The following CSMD1 variants were observed in gnomAD, a reference collection of about 807,000 sequenced individuals.
The protein encoded by CSMD1 is CUB and sushi domain-containing protein 1.
In CSMD1, 213 loss-of-function variants were observed where a neutral mutation model predicts 417.5. The observed-to-expected ratio is 0.51, with a 90% CI of 0.46 to 0.57. CSMD1 has a LOEUF of 0.57. CSMD1 is among the 20% of genes least tolerant of loss of function. The pLI is 0.00. For synonymous variants in CSMD1, 2,862 were observed against 1,736.8 expected, an observed-to-expected ratio of 1.65 and a Z score of -16.11; for missense variants, 6,923 against 4,529.7, an observed-to-expected ratio of 1.53 and a Z score of -15.17.
At chr8:3,754,780 C>T (rs939824508) in intron 5 of CSMD1, among the ~76,000 whole-genome samples, 1 of 152,116 alleles carries the variant, frequency 6.6e-6, no homozygotes, top group Admixed American at 6.6e-5. Context: ...TCTATGTAAC[C>T]TGAAGTAGAC....
At chr8:4,964,325 C>T (rs1809704810) in intron 1 of CSMD1, among the ~76,000 whole-genome samples, 1 of 151,572 alleles carries the variant, frequency 6.6e-6, no homozygotes. Context: ...ACCAGCAGGG[C>T]AGCATGGCAA....
chr8:4,232,935 G>C (rs374248288), intron 3 of CSMD1, among the ~76,000 whole-genome samples: 214 of 152,272 alleles, frequency 1.4e-3, no homozygotes, highest in African/African-American at 4.8e-3. Context: ...GTTCCAAAAA[G>C]TTTTCTGCAG....
At chr8:4,640,233 G>C (rs1803108758) in intron 1 of CSMD1, among the ~76,000 whole-genome samples, 3 of 152,304 alleles carry the variant, frequency 2.0e-5, no homozygotes, top group Admixed American at 1.3e-4. Context: ...CATAGCACCG[G>C]TTAGAAATTT....
At chr8:4,510,584 C>T (rs183113045) in intron 2 of CSMD1, among the ~76,000 whole-genome samples, 1 of 149,924 alleles carries the variant, frequency 6.7e-6, no homozygotes, top group Non-Finnish European at 1.5e-5. Flanking sequence ...CCCTTCCCTC[C>T]TCGCTTCCTT....
chr8:3,228,143 T>C (rs1274787587), intron 27 of CSMD1, among the ~76,000 whole-genome samples: 1 of 152,246 alleles, frequency 6.6e-6, no homozygotes, highest in Non-Finnish European at 1.5e-5. Context: ...TGTAATTGTC[T>C]CCAGGTAAAA....
At chr8:4,885,994 T>A (rs1463365854) in intron 1 of CSMD1, among the ~76,000 whole-genome samples, 1 of 120,920 alleles carries the variant, frequency 8.3e-6, no homozygotes, top group Non-Finnish European at 1.9e-5. Context: ...TATTTACTTA[T>A]TTATTTACTT....
chr8:3,828,086 T>C (rs1672861911), intron 5 of CSMD1, among the ~76,000 whole-genome samples: 3 of 152,194 alleles, frequency 2.0e-5, no homozygotes, highest in African/African-American at 2.4e-5. Flanking sequence ...CAGAGCTTAA[T>C]TACATCCTAT....
intron 1 of CSMD1, among the ~76,000 whole-genome samples, chr8:4,744,585 C>G (rs894360554): frequency 6.6e-6 from 1 of 152,120 alleles, no homozygotes; most frequent in African/African-American, 2.4e-5. Flanking sequence ...AAAATAATAT[C>G]TTTGGTTCGT....
intron 18 of CSMD1, among the ~76,000 whole-genome samples, chr8:3,386,054 G>T (rs1333459427): frequency 6.6e-6 from 1 of 152,116 alleles, no homozygotes; most frequent in Non-Finnish European, 1.5e-5. Flanking sequence ...TTTAAGATTG[G>T]TAAGTGGCAA....
At chr8:4,131,271 G>A (rs1803085967) in intron 3 of CSMD1, among the ~76,000 whole-genome samples, 2 of 151,254 alleles carry the variant, frequency 1.3e-5, no homozygotes, top group Non-Finnish European at 1.5e-5. Flanking sequence ...ATGAACTGTA[G>A]GAACTGAAGA....
chr8:4,016,039 A>C (rs1796507685), intron 4 of CSMD1, among the ~76,000 whole-genome samples: 1 of 152,158 alleles, frequency 6.6e-6, no homozygotes, highest in African/African-American at 2.4e-5. Flanking sequence ...CATGACATCT[A>C]AGCTCTCAGA....
intron 63 of CSMD1, among the ~76,000 whole-genome samples, chr8:2,955,977 G>T (rs1332023616): frequency 6.6e-6 from 1 of 151,904 alleles, no homozygotes; most frequent in Non-Finnish European, 1.5e-5. Context: ...CTGACCTCAA[G>T]CTATTCTCCT....
intron 2 of CSMD1, among the ~76,000 whole-genome samples, chr8:4,610,857 T>C (rs1234005060): frequency 1.3e-5 from 2 of 152,214 alleles, no homozygotes; most frequent in African/African-American, 4.8e-5. Context: ...GCGAAAACCT[T>C]ATACGATTTC....
intron 23 of CSMD1, among the ~76,000 whole-genome samples, chr8:3,323,080 A>G (rs1806260324): frequency 6.6e-6 from 1 of 152,170 alleles, no homozygotes; most frequent in Admixed American, 6.6e-5. Flanking sequence ...ATGCAGTTTT[A>G]AAAACATCTG....
intron 3 of CSMD1, among the ~76,000 whole-genome samples, chr8:4,235,785 T>A (rs1284441860): frequency 6.6e-6 from 1 of 152,202 alleles, no homozygotes; most frequent in Non-Finnish European, 1.5e-5. Context: ...GTCTTTTTCT[T>A]TTTTTCTTTG....
At position 3,290,548 on chromosome 8, in the gene CSMD1, G is replaced by A. The variant is rs1307890659; in HGVS notation, c.3951-6202C>T. On this transcript the variant is annotated intron_variant, in intron 25 of 69. Transcript: ENST00000635120. ...CTTGAAGAGGTCCTTCACATCCCTT[G>A]TAAGTTGGATTGCTAGGTATTTTGT... Among the ~76,000 whole-genome samples the A allele has an allele frequency of 7.3e-4, 106 of 145,920 alleles. 17 individuals carry two copies. Among genetic ancestry groups the A allele is most frequent in the African/African-American group, 2.6e-3 (94 of 36,174 alleles).
At chr8:3,922,663 A>T (rs1372027320) in intron 5 of CSMD1, among the ~76,000 whole-genome samples, 4 of 152,136 alleles carry the variant, frequency 2.6e-5, no homozygotes, top group African/African-American at 7.2e-5. Flanking sequence ...ATAACTTTTA[A>T]TTGTGCTTTT....
chr8:4,020,109 A>C (rs749841764), intron 4 of CSMD1, among the ~76,000 whole-genome samples: 1 of 152,140 alleles, frequency 6.6e-6, no homozygotes, highest in Admixed American at 6.5e-5. Flanking sequence ...GAGTTTCTCT[A>C]TGTGTCAGGC....
intron 1 of CSMD1, among the ~76,000 whole-genome samples, chr8:4,820,018 G>C (rs187890866): frequency 2.0e-5 from 3 of 152,182 alleles, no homozygotes; most frequent in East Asian, 3.9e-4. Flanking sequence ...TCAACATGTA[G>C]GTCTCCAATT....
Sources: allele counts gnomAD v4.1 joint callset (sites outside exome capture counted in the v4.1 genomes callset), GRCh38; gene constraint gnomAD v4.1.1; transcripts MANE v1.5; gene names NCBI Gene and HGNC (gene_info 2026-07-23, HGNC 2026-07-21).